The following PPP3CC variants were observed in gnomAD, a reference collection of about 807,000 sequenced individuals.
PPP3CC encodes protein phosphatase 3 catalytic subunit gamma.
PPP3CC carries 35 observed loss-of-function variants against 60.3 expected under a neutral mutation model. The observed-to-expected ratio is 0.58, with a 90% CI of 0.44 to 0.77. The LOEUF is 0.77. PPP3CC is among the 30% of genes least tolerant of loss of function. The pLI, the probability that PPP3CC is intolerant of heterozygous loss-of-function variation, is 0.00. For missense variants in PPP3CC, 570 were observed against 628.9 expected, an observed-to-expected ratio of 0.91 and a Z score of 1.00; for synonymous variants, 206 against 224.3, an observed-to-expected ratio of 0.92 and a Z score of 0.73.
chr8:22,532,218 C>A lies in PPP3CC; in HGVS notation c.1142-7C>A. 6.2e-7 allele frequency: 1 copy of A among 1,602,212 alleles called. No homozygotes were observed. Among genetic ancestry groups the A allele is most frequent in the Non-Finnish European group, 8.5e-7 (1 of 1,170,016 alleles). ...CTTTAACTTACTTATTCTTTGTATT[C>A]TCTAAGGAAGCACTACAGTTCGTAA... On this transcript the variant is annotated splice_polypyrimidine_tract_variant and splice_region_variant and intron_variant, in intron 10 of 13. Coordinates refer to ENST00000240139, the MANE Select transcript of PPP3CC (RefSeq NM_005605.5).
At chr8:22,540,169 C>A (rs1232152204) in intron 13 of PPP3CC, among the ~76,000 whole-genome samples, 1 of 152,132 alleles carries the variant, frequency 6.6e-6, no homozygotes, top group Non-Finnish European at 1.5e-5. Flanking sequence ...AAGATTAGCT[C>A]TTTTGTTACT....
At chr8:22,499,131 AAT>A (rs1320919523) in intron 4 of PPP3CC, among the ~76,000 whole-genome samples, 10 of 145,636 alleles carry the variant, frequency 6.9e-5, no homozygotes, top group Non-Finnish European at 1.5e-4. Context: ...AAAAAAAAGA[AAT>A]AGAATTATTT....
At chr8:22,479,982 T>C (rs1838012751) in intron 3 of PPP3CC, among the ~76,000 whole-genome samples, 1 of 152,298 alleles carries the variant, frequency 6.6e-6, no homozygotes, top group Admixed American at 6.5e-5. Flanking sequence ...AATAGTTTCA[T>C]GAGTCCGTCA....
intron 9 of PPP3CC, 117 bp downstream of exon 9, chr8:22,527,634 G>T: frequency 5.0e-6 from 6 of 1,208,808 alleles, no homozygotes; most frequent in South Asian, 1.6e-5. Context: ...TCTCTACATA[G>T]ATTTTTTTTT....
intron 1 of PPP3CC, among the ~76,000 whole-genome samples, chr8:22,464,021 C>G (rs1282008066): frequency 6.6e-6 from 1 of 152,126 alleles, no homozygotes; most frequent in African/African-American, 2.4e-5. Context: ...CTCCTGACCT[C>G]AGGTGATCTG....
chr8:22,473,427 C>G (rs1484675763), intron 1 of PPP3CC, among the ~76,000 whole-genome samples: 1 of 151,348 alleles, frequency 6.6e-6, no homozygotes. Context: ...TAGTTATTAG[C>G]ATTTCCAGGT....
Position 22,532,945 on chromosome 8 carries a change from T to A in PPP3CC, c.1248T>A (p.Thr416=). 6.2e-7 allele frequency: 1 copy of A among 1,602,322 alleles called. No individual in the cohort carries two copies. Among genetic ancestry groups the A allele is most frequent in the Non-Finnish European group, 8.5e-7 (1 of 1,173,920 alleles). Residue 416 remains threonine, a synonymous_variant, in exon 12 of 14, where the codon ACT becomes ACA. Transcript: ENST00000240139. The part of the protein sequence containing the change: ...ILRQESESVL[T]LKGLTPTGTL... ...GGCAAGAAAGTGAGAGTGTGCTGAC[T>A]CTCAAGGGCCTGACTCCCACAGGCA...
At chr8:22,475,406 T>G (rs1219820094) in intron 2 of PPP3CC, 94 bp from the exon 3 acceptor site, 1 of 1,380,296 alleles carries the variant, frequency 7.2e-7, no homozygotes, top group Non-Finnish European at 9.9e-7. Context: ...CTGGAGTGAT[T>G]TAAGTTAGAA....
chr8:22,473,704 T>C (rs191173851), intron 1 of PPP3CC, among the ~76,000 whole-genome samples: 55 of 152,202 alleles, frequency 3.6e-4, no homozygotes, highest in Non-Finnish European at 6.9e-4. Context: ...CCTCAGGTGA[T>C]CCACCTACCT....
intron 5 of PPP3CC, 65 bp downstream of exon 5, chr8:22,511,296 G>T: frequency 4.0e-6 from 6 of 1,514,210 alleles, no homozygotes; most frequent in Non-Finnish European, 5.4e-6. Context: ...TTTTGTTGTT[G>T]TTGTTTGCTT....
intron 4 of PPP3CC, among the ~76,000 whole-genome samples, chr8:22,498,995 G>C (rs548620320): frequency 6.6e-6 from 1 of 151,904 alleles, no homozygotes; most frequent in African/African-American, 2.4e-5. Context: ...GTGGTCGTGC[G>C]TGCCTGTAAT....
At chr8:22,477,203 G>A (rs568084635) in intron 3 of PPP3CC, among the ~76,000 whole-genome samples, 7 of 152,142 alleles carry the variant, frequency 4.6e-5, no homozygotes, top group African/African-American at 1.2e-4. Context: ...GGGGCTGCGC[G>A]CAATGGCTCA....
At chr8:22,464,389 T>C (rs1301634518) in intron 1 of PPP3CC, among the ~76,000 whole-genome samples, 1 of 152,192 alleles carries the variant, frequency 6.6e-6, no homozygotes, top group Non-Finnish European at 1.5e-5. Flanking sequence ...ATTATTTACT[T>C]ATTTTTTAGA....
At chr8:22,532,170 A>T in intron 10 of PPP3CC, 55 bp from the exon 11 acceptor site, 1 of 1,317,342 alleles carries the variant, frequency 7.6e-7, no homozygotes, top group Non-Finnish European at 1.1e-6. Context: ...TGAATTTTTT[A>T]AAGGCAGCCT....
chr8:22,470,114 CATTT>C (rs879544213), intron 1 of PPP3CC, among the ~76,000 whole-genome samples: 4 of 150,814 alleles, frequency 2.7e-5, no homozygotes, highest in Non-Finnish European at 5.9e-5. Flanking sequence ...TCTGCTGTAT[CATTT>C]ATTTATGTTT....
intron 12 of PPP3CC, 54 bp from the exon 13 acceptor site, chr8:22,539,415 C>G: frequency 6.2e-7 from 1 of 1,604,232 alleles, no homozygotes; most frequent in East Asian, 2.2e-5. Flanking sequence ...TGTTGGTTTA[C>G]TCACTCTTTT....
At chr8:22,517,404 T>A (rs1308587890) in intron 6 of PPP3CC, among the ~76,000 whole-genome samples, 1 of 151,762 alleles carries the variant, frequency 6.6e-6, no homozygotes, top group African/African-American at 2.4e-5. Context: ...AATTCTCTCT[T>A]CTATTTTTTG....
chr8:22,474,889 A>G, intron 1 of PPP3CC, 65 bp from the exon 2 acceptor site: 1 of 1,089,168 alleles, frequency 9.2e-7, no homozygotes, highest in South Asian at 2.5e-5. Context: ...CATGTAAAAG[A>G]ATTGTGTTCT....
chr8:22,533,508 G>C lies in PPP3CC; in HGVS notation c.1321+490G>C, dbSNP rs566299758. Among the ~76,000 whole-genome samples the C allele has an allele frequency of 8.9e-4, 136 of 152,278 alleles. 1 individual carries two copies. Among genetic ancestry groups the C allele is most frequent in the African/African-American group, 3.2e-3 (131 of 41,552 alleles). On this transcript the variant is annotated intron_variant, in intron 12 of 13. Transcript: ENST00000240139. ...AAAAATGGTCAAAAGATTTAAACAGGCACTTCACAAATGAGGATATCAAAG... is the reference window on the plus strand; with the variant it reads ...AAAAATGGTCAAAAGATTTAAACAGCCACTTCACAAATGAGGATATCAAAG...
Sources: gnomAD v4.1 joint callset for allele counts (sites outside exome capture counted in the v4.1 genomes callset) on GRCh38, gnomAD v4.1.1 for gene constraint, MANE v1.5 for transcripts, NCBI Gene and HGNC (gene_info 2026-07-23, HGNC 2026-07-21) for gene names.